Variants in CNTNAP3B observed in about 807,000 individuals in gnomAD.
CNTNAP3B encodes the protein contactin associated protein family member 3B.
Under a neutral mutation model 108.9 loss-of-function variants are expected in CNTNAP3B, and 25 were observed. That is an observed-to-expected ratio of 0.23 (90% CI 0.17 to 0.32). The LOEUF is 0.32. Among genes scored for constraint, CNTNAP3B ranks in the 10% least tolerant of loss-of-function variants. CNTNAP3B has a pLI of 1.00. For missense variants in CNTNAP3B, 252 were observed against 1,210.4 expected (o/e 0.21, Z 11.75); for synonymous variants, 103 against 473.4 (o/e 0.22, Z 10.16).
At chr9:42,088,772 G>T (rs1827757693) in intron 2 of CNTNAP3B, among the ~76,000 whole-genome samples, 1 of 137,440 alleles carries the variant, frequency 7.3e-6, no homozygotes, top group Admixed American at 7.3e-5. Flanking sequence ...ATATCCTCAG[G>T]CAAAATATTT....
chr9:41,976,993 G>A (rs1217028418), intron 9 of CNTNAP3B, among the ~76,000 whole-genome samples: 2 of 143,446 alleles, frequency 1.4e-5, no homozygotes, highest in African/African-American at 5.4e-5. Context: ...AATGAAAATT[G>A]CCTAACAATA....
At chr9:42,055,232 G>T (rs1827041128) in intron 3 of CNTNAP3B, among the ~76,000 whole-genome samples, 1 of 135,942 alleles carries the variant, frequency 7.4e-6, no homozygotes, top group South Asian at 2.4e-4. Context: ...TTACCCAGAG[G>T]GAAAAAATGC....
chr9:41,936,007 C>T (rs996296184), intron 14 of CNTNAP3B, among the ~76,000 whole-genome samples: 1 of 152,242 alleles, frequency 6.6e-6, no homozygotes, highest in South Asian at 2.1e-4. Context: ...CTGGTTACTG[C>T]CCTAAGCATA....
chr9:41,916,714 G>A (rs1465238234), intron 18 of CNTNAP3B, among the ~76,000 whole-genome samples: 1 of 145,036 alleles, frequency 6.9e-6, no homozygotes, highest in African/African-American at 2.6e-5. Flanking sequence ...CTTTTTGTTA[G>A]GAACATTCCA....
chr9:41,997,232 G>A (rs991710133), intron 6 of CNTNAP3B, among the ~76,000 whole-genome samples: 3 of 151,076 alleles, frequency 2.0e-5, no homozygotes, highest in African/African-American at 7.3e-5. Context: ...CCAGGAATCT[G>A]CATAGTCAAA....
At chr9:42,117,198 C>A (rs1341187152) in intron 1 of CNTNAP3B, among the ~76,000 whole-genome samples, 1 of 135,636 alleles carries the variant, frequency 7.4e-6, no homozygotes, top group Non-Finnish European at 1.6e-5. Context: ...ACAGAACTCT[C>A]CACCCCAAAT....
At chr9:42,100,106 T>C (rs1327045557) in intron 2 of CNTNAP3B, among the ~76,000 whole-genome samples, 1 of 42,844 alleles carries the variant, frequency 2.3e-5, no homozygotes, top group Non-Finnish European at 5.0e-5. Context: ...GATATTAATA[T>C]GCTATTAATT....
intron 12 of CNTNAP3B, among the ~76,000 whole-genome samples, chr9:41,958,643 T>TG: frequency 6.6e-6 from 1 of 151,832 alleles, no homozygotes; most frequent in South Asian, 2.1e-4. Flanking sequence ...CACCCTTACA[T>TG]GGGACAGGAT....
At chr9:42,033,216 G>A (rs1220488647) in intron 3 of CNTNAP3B, among the ~76,000 whole-genome samples, 2 of 143,320 alleles carry the variant, frequency 1.4e-5, no homozygotes, top group Non-Finnish European at 3.0e-5. Context: ...ACTATTGTTG[G>A]TTAATATTCT....
rs1828140305 is a variant in CNTNAP3B at position 42,109,203 on chromosome 9, A to C, written c.86-4464T>G. On this transcript the variant is annotated intron_variant, in intron 1 of 23. Coordinates refer to ENST00000377561, the MANE Select transcript of CNTNAP3B (RefSeq NM_001201380.3). ...AGGTTCAAGAAGTCCAGAATCTAAC[A>C]TGGGAGGGAGATGTGTAAATATCTG... 1.4e-5 allele frequency among the ~76,000 whole-genome samples: 2 copies of C among 139,522 alleles called. 1 individual carries two copies. The highest frequency in any genetic ancestry group is 5.7e-5 in the African/African-American group (2 of 35,066). 91.5% of individuals were successfully genotyped at this position (139,522 alleles called of 152,430 possible).
chr9:41,974,449 G>C, intron 9 of CNTNAP3B: 1 of 467,412 alleles, frequency 2.1e-6, no homozygotes, highest in Non-Finnish European at 3.9e-6. Context: ...TGCAGTCTCA[G>C]CTTCAGGTGA....
At chr9:42,032,822 T>G (rs1407268346) in intron 3 of CNTNAP3B, among the ~76,000 whole-genome samples, 11 of 136,194 alleles carry the variant, frequency 8.1e-5, no homozygotes, top group Non-Finnish European at 1.4e-4. Context: ...AGGGCTTTCT[T>G]CCTGGCTTGT....
chr9:42,105,847 G>T (rs1828085346), intron 1 of CNTNAP3B, among the ~76,000 whole-genome samples: 1 of 77,660 alleles, frequency 1.3e-5, no homozygotes, highest in Non-Finnish European at 2.6e-5. Flanking sequence ...ATATGTCTGT[G>T]AAAGAGGAAT....
At chr9:41,956,653 C>T (rs1005635509) in intron 12 of CNTNAP3B, among the ~76,000 whole-genome samples, 4 of 147,226 alleles carry the variant, frequency 2.7e-5, no homozygotes, top group African/African-American at 1.0e-4. Flanking sequence ...GAGAACTGAC[C>T]CTTTCATTTG....
At chr9:41,936,147 C>T (rs1429550693) in intron 14 of CNTNAP3B, among the ~76,000 whole-genome samples, 21 of 152,302 alleles carry the variant, frequency 1.4e-4, no homozygotes, top group Non-Finnish European at 2.4e-4. Context: ...AGGTGTGGCA[C>T]TCGGCTGTAA....
chr9:42,094,273 C>T (rs1243622507), intron 2 of CNTNAP3B, among the ~76,000 whole-genome samples: 1 of 137,428 alleles, frequency 7.3e-6, no homozygotes, highest in East Asian at 2.2e-4. Context: ...GGTCTGGCAG[C>T]CAAAATCTAG....
intron 12 of CNTNAP3B, among the ~76,000 whole-genome samples, chr9:41,958,927 C>G (rs1319132295): frequency 2.9e-5 from 4 of 139,578 alleles, no homozygotes; most frequent in Non-Finnish European, 6.2e-5. Context: ...GTGTGGGGAT[C>G]CTTCTCTGTC....
In CNTNAP3B at chr9:42,127,396, A is replaced by G. The variant is rs1274903196; in HGVS notation, c.85+1614T>C. On this transcript the variant is annotated intron_variant, in intron 1 of 23. Coordinates refer to ENST00000377561, the MANE Select transcript of CNTNAP3B (RefSeq NM_001201380.3). The stretch of plus-strand genomic sequence containing the variant: ...ATCCTGAGAATAAAAAGTAATCACA[A>G]CTATGCAACAAAAACAGGAAAGGTG... Among the ~76,000 whole-genome samples, 20 of 139,800 alleles carry G rather than the reference A, an allele frequency of 1.4e-4. 3 individuals carry two copies. Among genetic ancestry groups the G allele is most frequent in the Middle Eastern group, 6.9e-3 (2 of 288 alleles). The allele number at this position is 139,800 out of a possible 152,430, so 91.7% of individuals were successfully genotyped here.
chr9:42,054,955 C>T lies in CNTNAP3B; in HGVS notation c.390+21914G>A, dbSNP rs1325532880. Among the ~76,000 whole-genome samples, 7 of 144,294 alleles carry T rather than the reference C, an allele frequency of 4.9e-5. No individual in the cohort carries two copies. The East Asian group carries it at 1.4e-3, about 30-fold the overall frequency. 94.7% of individuals were successfully genotyped at this position (144,294 alleles called of 152,430 possible). ...GAAAGTCTTTCTTCTTACCAGTACA[C>T]TGATGCCCACACATCCCAGCCACTG... is the stretch of plus-strand genomic sequence containing the variant. On this transcript the variant is annotated intron_variant, in intron 3 of 23. Coordinates refer to ENST00000377561, the MANE Select transcript of CNTNAP3B (RefSeq NM_001201380.3).
Sources: gnomAD v4.1 joint callset for allele counts (sites outside exome capture counted in the v4.1 genomes callset) on GRCh38, gnomAD v4.1.1 for gene constraint, MANE v1.5 for transcripts, NCBI Gene and HGNC (gene_info 2026-07-23, HGNC 2026-07-21) for gene names.